Variants in KLHL14 observed in about 807,000 individuals in gnomAD.
The protein encoded by KLHL14 is kelch like family member 14, also known as kelch-like protein 14.
In KLHL14, 22 loss-of-function variants were observed where a neutral mutation model predicts 64.3. The observed-to-expected ratio is 0.34, with a 90% CI of 0.24 to 0.49. The LOEUF is 0.49. Ranked by LOEUF, KLHL14 falls within the 20% of genes least tolerant of loss-of-function variation. The pLI is 0.99. For synonymous variants in KLHL14, 322 were observed against 333.4 expected, an observed-to-expected ratio of 0.97 and a Z score of 0.37; for missense variants, 661 against 789.0, an observed-to-expected ratio of 0.84 and a Z score of 1.94.
At chr18:32,739,807 T>C (rs1235769582) in intron 3 of KLHL14, among the ~76,000 whole-genome samples, 1 of 152,068 alleles carries the variant, frequency 6.6e-6, no homozygotes. Flanking sequence ...TCTCGGGCAG[T>C]GGATTGAAGT....
intron 2 of KLHL14, among the ~76,000 whole-genome samples, chr18:32,748,337 T>C (rs2050234157): frequency 6.7e-6 from 1 of 149,290 alleles, no homozygotes; most frequent in African/African-American, 2.5e-5. Flanking sequence ...CTAATTTTTG[T>C]ATTTTGTATT....
rs573084532 is a variant in KLHL14, at chr18:32,719,468, T to G, written c.1069+22460A>C. Among the ~76,000 whole-genome samples, 15 of 152,338 alleles carry G rather than the reference T, an allele frequency of 9.8e-5. No individual in the cohort carries two copies. The South Asian group carries it at 2.5e-3, about 25-fold the overall frequency. ...CTCATTATTAACAACTATGAGCATT[T>G]TGAGACCTCACTATATAACATTTTA... On this transcript the variant is annotated intron_variant, in intron 3 of 8. Transcript: ENST00000359358.
At chr18:32,694,768 CA>C (rs1195115686) in intron 4 of KLHL14, among the ~76,000 whole-genome samples, 1 of 152,196 alleles carries the variant, frequency 6.6e-6, no homozygotes, top group Non-Finnish European at 1.5e-5. Flanking sequence ...ATCTCTGTTA[CA>C]CAGAAGGCTA....
rs1418745234 is a variant in KLHL14, at chr18:32,770,155, T to G, written c.437A>C (p.Asn146Thr). 6.2e-7 allele frequency: 1 copy of G among 1,613,988 alleles called. No individual in the cohort carries two copies. The highest frequency in any genetic ancestry group is 1.3e-5 in the African/African-American group (1 of 74,928). Residue 146 changes from asparagine (N) to threonine (T), a missense_variant, in exon 2 of 9, where the codon AAC becomes ACC. Physicochemically the swap from Asn to Thr is moderately conservative, Grantham distance 65. This residue lies in a region of KLHL14 where 331 missense variants were observed against 339.0 expected (regional missense o/e 0.98). Transcript: ENST00000359358. The surrounding 1 kb of genome is among the most constrained non-coding windows in gnomAD (Gnocchi z 6.7). ...CACCGTGTCCAGGGACAGGGTCACGTTGGCCGTGTAGAGGTACTCGAGCAC... is the reference window on the plus strand; with the variant it reads ...CACCGTGTCCAGGGACAGGGTCACGGTGGCCGTGTAGAGGTACTCGAGCAC... Reference protein sequence around the residue: ...RLVLEYLYTANVTLSLDTVEE... With the variant: ...RLVLEYLYTATVTLSLDTVEE...
intron 8 of KLHL14, among the ~76,000 whole-genome samples, chr18:32,676,687 G>T (rs918233556): frequency 9.9e-5 from 15 of 152,056 alleles, no homozygotes; most frequent in African/African-American, 3.6e-4. Flanking sequence ...CTGAATGATG[G>T]GTTAATGAAG....
chr18:32,683,518 C>CAT lies in KLHL14; in HGVS notation c.1239-2921_1239-2920dup, dbSNP rs1330038634. On this transcript the variant is annotated intron_variant, in intron 5 of 8. Transcript: ENST00000359358. The surrounding 1 kb of genome is among the most constrained non-coding windows in gnomAD (Gnocchi z 4.2). ...CTGCCCCTCTTCGCCACATGAAGAA[C>CAT]ATATAAGGTTCAGGCTATTTTATTT... is the stretch of plus-strand genomic sequence containing the variant. Among the ~76,000 whole-genome samples the CAT allele has an allele frequency of 4.6e-5, 7 of 152,090 alleles. No individual in the cohort carries two copies. Among genetic ancestry groups the CAT allele is most frequent in the African/African-American group, 1.7e-4 (7 of 41,414 alleles).
Position 32,672,885 on chromosome 18 carries a change from A to G in KLHL14, c.*1772T>C, listed in dbSNP as rs2049791806. On this transcript the variant is annotated 3_prime_UTR_variant, in exon 9 of 9. Coordinates refer to ENST00000359358, the MANE Select transcript of KLHL14 (RefSeq NM_020805.3). ...GAAATAAAAAATAAAATGCAGAACA[A>G]GTCTAAGGAAAGCAAAGGTTCTTGT... is the stretch of plus-strand genomic sequence containing the variant. 1 of 152,632 alleles carries G rather than the reference A, an allele frequency of 6.6e-6. No individual in the cohort carries two copies. The highest frequency in any genetic ancestry group is 1.5e-5 in the Non-Finnish European group (1 of 68,038). 9.5% of individuals were successfully genotyped at this position (152,632 alleles called of 1,614,324 possible).
At chr18:32,743,778 G>A (rs2050210849) in intron 2 of KLHL14, 1 of 152,160 alleles carries the variant, frequency 6.6e-6, no homozygotes, top group African/African-American at 2.4e-5. Flanking sequence ...AAAAATCAGT[G>A]CAGTCTGTAC....
chr18:32,763,839 G>C (rs1444510845), intron 2 of KLHL14, among the ~76,000 whole-genome samples: 1 of 152,152 alleles, frequency 6.6e-6, no homozygotes, highest in African/African-American at 2.4e-5. Context: ...TCAAGGTCAG[G>C]CACTGAGTTA....
At chr18:32,746,707 A>G (rs759681802) in intron 2 of KLHL14, among the ~76,000 whole-genome samples, 1 of 152,278 alleles carries the variant, frequency 6.6e-6, no homozygotes, top group East Asian at 1.9e-4. Context: ...TTCATTTTAC[A>G]GATAACAAAT....
chr18:32,695,960 T>C (rs1458232422), intron 3 of KLHL14, among the ~76,000 whole-genome samples: 1 of 152,162 alleles, frequency 6.6e-6, no homozygotes, highest in Non-Finnish European at 1.5e-5. Flanking sequence ...GCCATTAAGA[T>C]GCTCTGCCCA....
chr18:32,675,744 A>G (rs2049808353), intron 8 of KLHL14, among the ~76,000 whole-genome samples: 1 of 152,168 alleles, frequency 6.6e-6, no homozygotes, highest in Admixed American at 6.5e-5. Flanking sequence ...AACCAACCTA[A>G]TAATTATTTT....
At chr18:32,771,600 G>A (rs539868446) in intron 1 of KLHL14, among the ~76,000 whole-genome samples, 1 of 152,208 alleles carries the variant, frequency 6.6e-6, no homozygotes, top group Admixed American at 6.5e-5. Flanking sequence ...AGCGAGGGGC[G>A]GCACCGAGGA....
Position 32,683,589 on chromosome 18 carries a change from T to C in KLHL14, c.1239-2990A>G, listed in dbSNP as rs2049854537. Among the ~76,000 whole-genome samples the C allele has an allele frequency of 6.6e-6, 1 of 152,186 alleles. No homozygotes were observed. Among genetic ancestry groups the C allele is most frequent in the African/African-American group, 2.4e-5 (1 of 41,442 alleles). ...GATTATTAAAGATTTCTTATTGGGA[T>C]TACACTGTTTCTGTTTCAAATTGTT... On this transcript the variant is annotated intron_variant, in intron 5 of 8. Coordinates refer to ENST00000359358, the MANE Select transcript of KLHL14 (RefSeq NM_020805.3). This position sits in a 1 kb window ranked among gnomAD's most constrained non-coding sequence, Gnocchi z 4.2.
rs116482637 is a variant in KLHL14 at position 32,675,770 on chromosome 18, A to G, written c.1747-973T>C. Among the ~76,000 whole-genome samples, 307 of 152,308 alleles carry G rather than the reference A, an allele frequency of 2.0e-3. 1 individual carries two copies. The highest frequency in any genetic ancestry group is 7.1e-3 in the African/African-American group (295 of 41,570). On this transcript the variant is annotated intron_variant, in intron 8 of 8. Coordinates refer to ENST00000359358, the MANE Select transcript of KLHL14 (RefSeq NM_020805.3). ...TAATTATTTTTCTAAAAATGCCCCA[A>G]TGTCTGCTTCCAAACAAATACATTC...
Position 32,713,439 on chromosome 18 carries a change from G to A in KLHL14, c.1070-17887C>T, listed in dbSNP as rs1461410795. On this transcript the variant is annotated intron_variant, in intron 3 of 8. Transcript: ENST00000359358. ...TTCTATTATGCTTTGTAAAATAAAT[G>A]ACTTATTTCTCTTGGGATAAAAAAT... Among the ~76,000 whole-genome samples the A allele has an allele frequency of 3.9e-5, 6 of 152,182 alleles. No individual in the cohort carries two copies. In the East Asian group the frequency reaches 9.7e-4, roughly 25 times the overall value.
intron 3 of KLHL14, among the ~76,000 whole-genome samples, chr18:32,699,146 C>T (rs1480078356): frequency 6.6e-6 from 1 of 152,040 alleles, no homozygotes; most frequent in African/African-American, 2.4e-5. Flanking sequence ...AATAAAATGC[C>T]CTGAGATCTT....
At chr18:32,704,677 G>A (rs2049981769) in intron 3 of KLHL14, among the ~76,000 whole-genome samples, 4 of 152,008 alleles carry the variant, frequency 2.6e-5, no homozygotes, top group Admixed American at 1.3e-4. Context: ...AGTCAAGATC[G>A]CGCCATTGCA....
intron 2 of KLHL14, among the ~76,000 whole-genome samples, chr18:32,757,040 G>A (rs1024686155): frequency 3.3e-5 from 5 of 152,142 alleles, no homozygotes; most frequent in African/African-American, 1.2e-4. Context: ...TGTCATAGTG[G>A]CTCAGTCTTC....
Sources: allele counts gnomAD v4.1 joint callset (sites outside exome capture counted in the v4.1 genomes callset), GRCh38; gene constraint gnomAD v4.1.1; regional missense constraint gnomAD v4.1.1; non-coding constraint Gnocchi (gnomAD v3.1); transcripts MANE v1.5; gene names NCBI Gene and HGNC (gene_info 2026-07-23, HGNC 2026-07-21).